Variants in ZNF385D observed in about 807,000 individuals in gnomAD.
ZNF385D encodes the protein zinc finger protein 659.
In ZNF385D, 15 loss-of-function variants were observed where a neutral mutation model predicts 35.8. The observed-to-expected ratio is 0.42, with a 90% CI of 0.28 to 0.64. The LOEUF is 0.64. Ranked by LOEUF, ZNF385D falls within the 30% of genes least tolerant of loss-of-function variation. ZNF385D has a pLI of 0.23. For synonymous variants in ZNF385D, 212 were observed against 186.8 expected (o/e 1.13, Z -1.10); for missense variants, 474 against 494.6 (o/e 0.96, Z 0.39).
chr3:21,847,182 A>C (rs1289876490), intron 3 of ZNF385D, among the ~76,000 whole-genome samples: 1 of 151,990 alleles, frequency 6.6e-6, no homozygotes, highest in Non-Finnish European at 1.5e-5. Flanking sequence ...TATTTTGATG[A>C]GTCATATATT....
rs548884799 is a variant in ZNF385D at position 22,205,670 on chromosome 3, T to C, written c.107-36635A>G. On this transcript the variant is annotated intron_variant, in intron 2 of 5. Transcript: ENST00000494108. ...TTGTATGTTTGTTTATGCAACAGTGTTAAGTTGTCATCAGATTAAAATATG... is the reference window on the plus strand; with the variant it reads ...TTGTATGTTTGTTTATGCAACAGTGCTAAGTTGTCATCAGATTAAAATATG... 1.2e-4 allele frequency among the ~76,000 whole-genome samples: 19 copies of C among 152,146 alleles called. 1 individual carries two copies. The South Asian group carries it at 3.7e-3, about 30-fold the overall frequency.
At chr3:22,124,622 G>T (rs921364014) in intron 3 of ZNF385D, among the ~76,000 whole-genome samples, 2 of 152,010 alleles carry the variant, frequency 1.3e-5, no homozygotes, top group African/African-American at 4.8e-5. Context: ...TTTTAAATAG[G>T]GTGAGGTAAT....
intron 2 of ZNF385D, among the ~76,000 whole-genome samples, chr3:22,312,474 A>C (rs1030180567): frequency 2.0e-5 from 3 of 152,082 alleles, no homozygotes; most frequent in Admixed American, 1.3e-4. Flanking sequence ...CAACCTACAG[A>C]ATGGGAGAAA....
In ZNF385D at chr3:21,437,225, A is replaced by G. The variant is rs921360252; in HGVS notation, c.440-22T>C. The G allele has an allele frequency of 1.3e-5, 21 of 1,585,640 alleles. No homozygotes were observed. The Admixed American group carries it at 3.0e-4, about 22-fold the overall frequency. On this transcript the variant is annotated intron_variant, in intron 4 of 7. Coordinates refer to ENST00000281523, the MANE Select transcript of ZNF385D (RefSeq NM_024697.3). ...CCGTCTGTATTCAAAATAACACAGA[A>G]AAAAGGGGGAAAAACAATGGTATTA...
At chr3:22,047,987 C>T (rs1699109317) in intron 3 of ZNF385D, among the ~76,000 whole-genome samples, 2 of 152,054 alleles carry the variant, frequency 1.3e-5, no homozygotes, top group Admixed American at 6.6e-5. Flanking sequence ...TTGCATTTCC[C>T]TGATGATTAG....
At chr3:22,111,076 A>G (rs1403611194) in intron 3 of ZNF385D, among the ~76,000 whole-genome samples, 2 of 151,182 alleles carry the variant, frequency 1.3e-5, no homozygotes, top group Non-Finnish European at 2.9e-5. Context: ...GTTGTAACTG[A>G]GACTATCACA....
At chr3:22,310,950 A>G (rs912633178) in intron 2 of ZNF385D, among the ~76,000 whole-genome samples, 2 of 151,918 alleles carry the variant, frequency 1.3e-5, no homozygotes, top group Admixed American at 6.6e-5. Context: ...TTTTGATGTT[A>G]TAAGTCATTA....
rs76684079 is a variant in ZNF385D, at chr3:21,413,001, C to A, written c.*8213G>T. On this transcript the variant is annotated 3_prime_UTR_variant, in exon 8 of 8. Coordinates refer to ENST00000281523, the MANE Select transcript of ZNF385D (RefSeq NM_024697.3). ...AAACAGAAGACTGGCATAAAACAAA[C>A]TATGTGAATTGCCTTAATTATTATT... 1.3e-5 allele frequency: 2 copies of A among 150,822 alleles called. No individual in the cohort carries two copies. The highest frequency in any genetic ancestry group is 4.9e-5 in the African/African-American group (2 of 40,708). The allele number at this position is 150,822 out of a possible 1,614,324, so 9.3% of individuals were successfully genotyped here.
intron 3 of ZNF385D, among the ~76,000 whole-genome samples, chr3:21,995,109 A>G (rs1324982777): frequency 6.6e-6 from 1 of 152,208 alleles, no homozygotes. Flanking sequence ...GCATGACATC[A>G]TTTATATCAG....
At chr3:21,425,813 A>T (rs1700994723) in intron 5 of ZNF385D, 143 bp from the exon 6 acceptor site, 1 of 656,834 alleles carries the variant, frequency 1.5e-6, no homozygotes, top group Non-Finnish European at 2.3e-6. Flanking sequence ...GCCTCATTTT[A>T]GTGCAGTTTT....
chr3:22,218,330 A>G (rs1352027476), intron 2 of ZNF385D, among the ~76,000 whole-genome samples: 1 of 152,030 alleles, frequency 6.6e-6, no homozygotes, highest in Non-Finnish European at 1.5e-5. Flanking sequence ...TTTATAAACT[A>G]TATCTTTTAA....
At chr3:21,810,032 T>C (rs552068895) in intron 3 of ZNF385D, among the ~76,000 whole-genome samples, 96 of 152,250 alleles carry the variant, frequency 6.3e-4, no homozygotes, top group Middle Eastern at 3.4e-3. Context: ...ACTTTCCAAT[T>C]TGTTATAACA....
At chr3:22,315,936 A>G (rs1466696855) in intron 2 of ZNF385D, among the ~76,000 whole-genome samples, 1 of 152,222 alleles carries the variant, frequency 6.6e-6, no homozygotes, top group Admixed American at 6.5e-5. Flanking sequence ...CATAGTTCCT[A>G]TAATCCCTTA....
intron 3 of ZNF385D, among the ~76,000 whole-genome samples, chr3:21,895,182 T>G (rs2125888113): frequency 6.6e-6 from 1 of 152,128 alleles, no homozygotes; most frequent in Non-Finnish European, 1.5e-5. Flanking sequence ...TCTATTTGAC[T>G]GATTAGAGTT....
chr3:22,089,408 G>C (rs972332943), intron 3 of ZNF385D, among the ~76,000 whole-genome samples: 1 of 152,186 alleles, frequency 6.6e-6, no homozygotes, highest in African/African-American at 2.4e-5. Context: ...GGCACTAAAA[G>C]GACGCTGGAG....
intron 4 of ZNF385D, among the ~76,000 whole-genome samples, chr3:21,504,013 A>C (rs1250191287): frequency 6.6e-6 from 1 of 152,198 alleles, no homozygotes; most frequent in Non-Finnish European, 1.5e-5. Flanking sequence ...CTGAGTCATG[A>C]GTGAAAAGTG....
chr3:22,238,560 C>G (rs1426131472), intron 2 of ZNF385D, among the ~76,000 whole-genome samples: 4 of 150,728 alleles, frequency 2.7e-5, no homozygotes, highest in Admixed American at 2.6e-4. Flanking sequence ...TTGATGTTAT[C>G]ATAAATGGAA....
At chr3:21,752,128 C>T (rs531823137), upstream of ZNF385D, among the ~76,000 whole-genome samples, 4 of 150,160 alleles carry the variant, frequency 2.7e-5, no homozygotes, top group South Asian at 8.4e-4. Context: ...GAATTGCAGT[C>T]CTTATCTTAC....
At chr3:21,722,037 C>G (rs2068562279) in intron 1 of ZNF385D, among the ~76,000 whole-genome samples, 1 of 148,436 alleles carries the variant, frequency 6.7e-6, no homozygotes, top group Admixed American at 6.8e-5. Flanking sequence ...GAGGCGGAGG[C>G]TGCAGTGAGC....
Sources: allele counts gnomAD v4.1 joint callset (sites outside exome capture counted in the v4.1 genomes callset), GRCh38; gene constraint gnomAD v4.1.1; transcripts MANE v1.5; gene names NCBI Gene and HGNC (gene_info 2026-07-23, HGNC 2026-07-21).